The following ERC2 variants were observed in gnomAD, a reference collection of about 807,000 sequenced individuals.
ERC2 encodes the protein ERC protein 2.
ERC2 carries 42 observed loss-of-function variants against 114.8 expected under a neutral mutation model. The ratio of observed to expected loss-of-function variants is 0.37; its 90% CI spans 0.29 to 0.47. ERC2 has a LOEUF of 0.47. Among genes scored for constraint, ERC2 ranks in the 20% least tolerant of loss-of-function variants. The pLI, the probability that ERC2 is intolerant of heterozygous loss-of-function variation, is 0.99. For synonymous variants in ERC2, 454 were observed against 425.5 expected (o/e 1.07, Z -0.82); for missense variants, 939 against 1,150.7 (o/e 0.82, Z 2.66).
chr3:55,517,446 CAAA>C (rs11309251), intron 17 of ERC2, among the ~76,000 whole-genome samples: 137 of 90,112 alleles, frequency 1.5e-3, no homozygotes, highest in African/African-American at 5.2e-3. Flanking sequence ...GACTCCGTCT[CAAA>C]AAAAAAAAAA....
intron 7 of ERC2, among the ~76,000 whole-genome samples, chr3:56,069,874 C>T (rs1429154912): frequency 6.6e-6 from 1 of 152,112 alleles, no homozygotes; most frequent in Non-Finnish European, 1.5e-5. Context: ...CTGTTTAAAG[C>T]AGTTACATAT....
intron 14 of ERC2, among the ~76,000 whole-genome samples, chr3:55,757,845 T>C (rs897153925): frequency 3.3e-5 from 5 of 152,198 alleles, no homozygotes; most frequent in African/African-American, 1.2e-4. Context: ...TTAACTGTTT[T>C]CACTCTTAGA....
intron 7 of ERC2, among the ~76,000 whole-genome samples, chr3:56,076,186 T>C (rs957585829): frequency 6.6e-6 from 1 of 152,164 alleles, no homozygotes; most frequent in Non-Finnish European, 1.5e-5. Flanking sequence ...TTTCTACCTT[T>C]AATAAATAAA....
intron 8 of ERC2, among the ~76,000 whole-genome samples, chr3:56,012,475 A>G (rs2073023424): frequency 1.3e-5 from 2 of 152,094 alleles, no homozygotes; most frequent in African/African-American, 4.8e-5. Flanking sequence ...AGTCTTCTTG[A>G]CCCACAGCTG....
intron 17 of ERC2, among the ~76,000 whole-genome samples, chr3:55,579,244 T>C (rs1344159166): frequency 2.0e-5 from 3 of 152,240 alleles, no homozygotes; most frequent in African/African-American, 4.8e-5. Flanking sequence ...CAATGAGCAC[T>C]TGCCATGCAT....
At chr3:56,239,852 C>T (rs1428265537) in intron 3 of ERC2, among the ~76,000 whole-genome samples, 1 of 152,186 alleles carries the variant, frequency 6.6e-6, no homozygotes, top group Non-Finnish European at 1.5e-5. Context: ...TTCCATAAAT[C>T]ATAAGTACAG....
At chr3:55,920,191 G>A (rs1250804079) in intron 13 of ERC2, among the ~76,000 whole-genome samples, 1 of 152,020 alleles carries the variant, frequency 6.6e-6, no homozygotes, top group African/African-American at 2.4e-5. Context: ...CTTTAAAAAT[G>A]TCAAGCAAAT....
chr3:56,111,403 C>G (rs1041686936), intron 6 of ERC2, among the ~76,000 whole-genome samples: 1 of 151,754 alleles, frequency 6.6e-6, no homozygotes, highest in Non-Finnish European at 1.5e-5. Flanking sequence ...CCCTCTCTCT[C>G]TCTCAGTTCT....
intron 13 of ERC2, among the ~76,000 whole-genome samples, chr3:55,907,182 C>T (rs368119161): frequency 1.5e-4 from 23 of 152,248 alleles, no homozygotes; most frequent in African/African-American, 5.1e-4. Flanking sequence ...CTTTGCTTGC[C>T]GGATTTATCA....
At chr3:55,910,880 A>T (rs2064758001) in intron 13 of ERC2, among the ~76,000 whole-genome samples, 1 of 152,198 alleles carries the variant, frequency 6.6e-6, no homozygotes, top group Non-Finnish European at 1.5e-5. Context: ...TGTAAGGATT[A>T]AAGGTAAAAA....
intron 14 of ERC2, among the ~76,000 whole-genome samples, chr3:55,788,833 T>C (rs550707614): frequency 1.3e-5 from 2 of 152,288 alleles, no homozygotes; most frequent in South Asian, 4.1e-4. Flanking sequence ...ATTTCACACA[T>C]CATAAACGGA....
intron 6 of ERC2, among the ~76,000 whole-genome samples, chr3:56,098,444 C>T (rs942849744): frequency 3.3e-5 from 5 of 152,146 alleles, no homozygotes; most frequent in African/African-American, 1.2e-4. Context: ...GAAACATGAA[C>T]AACCACCTCC....
chr3:56,084,690 T>A (rs979850078), intron 6 of ERC2, among the ~76,000 whole-genome samples: 1 of 151,834 alleles, frequency 6.6e-6, no homozygotes, highest in East Asian at 1.9e-4. Context: ...ATAATGGACA[T>A]TGGAGACTTA....
At chr3:56,358,420 A>C (rs1263227559) in intron 2 of ERC2, among the ~76,000 whole-genome samples, 1 of 152,182 alleles carries the variant, frequency 6.6e-6, no homozygotes, top group Non-Finnish European at 1.5e-5. Flanking sequence ...CTATGACATA[A>C]TTATGTTGGA....
intron 12 of ERC2, among the ~76,000 whole-genome samples, chr3:55,983,281 C>A (rs1258589097): frequency 6.6e-6 from 1 of 152,148 alleles, no homozygotes; most frequent in Admixed American, 6.5e-5. Context: ...TTTTTTTAGT[C>A]AATTGCTGCA....
chr3:56,120,972 T>G, intron 6 of ERC2, among the ~76,000 whole-genome samples: 1 of 152,120 alleles, frequency 6.6e-6, no homozygotes, highest in South Asian at 2.1e-4. Flanking sequence ...GTAAAAGTAC[T>G]GATAAGTCTG....
chr3:56,103,241 A>C (rs985397206), intron 6 of ERC2, among the ~76,000 whole-genome samples: 4 of 152,186 alleles, frequency 2.6e-5, no homozygotes, highest in African/African-American at 9.7e-5. Flanking sequence ...AGTGAGTTTG[A>C]TATGCCTGCA....
chr3:55,530,958 C>T (rs186944679), intron 17 of ERC2, among the ~76,000 whole-genome samples: 30 of 152,332 alleles, frequency 2.0e-4, no homozygotes, highest in Admixed American at 2.0e-3. Context: ...GGTCATCGCA[C>T]AGGGCTCCAG....
chr3:55,724,421 TCAGGGATA>T (rs887219442), intron 15 of ERC2, among the ~76,000 whole-genome samples: 2 of 152,174 alleles, frequency 1.3e-5, no homozygotes, highest in African/African-American at 4.8e-5. Flanking sequence ...TTGCACCAAT[TCAGGGATA>T]GCTCCTGGGA....
Sources: gnomAD v4.1 joint callset for allele counts (sites outside exome capture counted in the v4.1 genomes callset) on GRCh38, gnomAD v4.1.1 for gene constraint, MANE v1.5 for transcripts, NCBI Gene and HGNC (gene_info 2026-07-23, HGNC 2026-07-21) for gene names.